EHD3: variants seen among roughly 807,000 people sequenced by gnomAD.
EHD3 encodes EH domain-containing protein 3.
Under a neutral mutation model 43.0 loss-of-function variants are expected in EHD3, and 17 were observed. The observed-to-expected ratio is 0.40, with a 90% CI of 0.27 to 0.59. The LOEUF is 0.59. Among genes scored for constraint, EHD3 ranks in the 20% least tolerant of loss-of-function variants. EHD3 has a pLI of 0.49. For missense variants in EHD3, 594 were observed against 705.6 expected, an observed-to-expected ratio of 0.84 and a Z score of 1.79; for synonymous variants, 313 against 289.5, an observed-to-expected ratio of 1.08 and a Z score of -0.82.
rs1455436556 is a variant in EHD3, at chr2:31,260,490, G to T, written c.503-20G>T. 1 of 1,577,386 alleles carries T rather than the reference G, an allele frequency of 6.3e-7. No homozygotes were observed. The highest frequency in any genetic ancestry group is 2.3e-5 in the East Asian group (1 of 44,414). ...CTATACCCCAAAGGCCCCAGCCCCT[G>T]ATTGTCCCTCTGCCGGCAGGGTATG... On this transcript the variant is annotated intron_variant, in intron 3 of 5. Coordinates refer to ENST00000322054, the MANE Select transcript of EHD3 (RefSeq NM_014600.3). The surrounding 1 kb of genome is among the most constrained non-coding windows in gnomAD (Gnocchi z 4.6).
chr2:31,255,093 T>C (rs1683724888), intron 3 of EHD3, among the ~76,000 whole-genome samples: 1 of 152,180 alleles, frequency 6.6e-6, no homozygotes, highest in South Asian at 2.1e-4. Flanking sequence ...GAGCCTCCGG[T>C]TGGAGGGGAC....
rs373883257 is a variant in EHD3 at position 31,266,367 on chromosome 2, A to C, written c.1271A>C (p.His424Pro). ...GGCACCCTGCACGGCCCCTTTGGGCATGGCTATGGGGAGGGGGCTGGAGAA... is the reference window on the plus strand; with the variant it reads ...GGCACCCTGCACGGCCCCTTTGGGCCTGGCTATGGGGAGGGGGCTGGAGAA... ...FEGTLHGPFG[H>P]GYGEGAGEGI... Residue 424 changes from histidine to proline, a missense_variant, in exon 6 of 6, where the codon CAT becomes CCT. His to Pro is a moderately conservative substitution (Grantham distance 77). This residue lies in a region of EHD3 where 322 missense variants were observed against 348.0 expected (regional missense o/e 0.93). Transcript: ENST00000322054. The surrounding 1 kb of genome is among the most constrained non-coding windows in gnomAD (Gnocchi z 5.1). The C allele has an allele frequency of 1.6e-5, 26 of 1,614,104 alleles. No homozygotes were observed. Among genetic ancestry groups the C allele is most frequent in the Non-Finnish European group, 1.9e-5 (23 of 1,179,976 alleles).
At chr2:31,250,800 T>G (rs879309950) in intron 3 of EHD3, among the ~76,000 whole-genome samples, 1 of 152,126 alleles carries the variant, frequency 6.6e-6, no homozygotes, top group Non-Finnish European at 1.5e-5. Flanking sequence ...CACTCAGAAG[T>G]CAGCCTATGG....
chr2:31,237,900 G>C (rs1683351413), intron 1 of EHD3, among the ~76,000 whole-genome samples: 2 of 151,848 alleles, frequency 1.3e-5, no homozygotes, highest in South Asian at 4.2e-4. Context: ...TACTTCTCTT[G>C]GATGTTTTAG....
Position 31,234,519 on chromosome 2 carries a change from C to T in EHD3, c.-103C>T. On this transcript the variant is annotated 5_prime_UTR_variant, in exon 1 of 6. Coordinates refer to ENST00000322054, the MANE Select transcript of EHD3 (RefSeq NM_014600.3). ...GGCTGAGCCCCGCGCTTGGGTGAGGCGGCGGCGCGGCTCGGAGCCCGGCGG... is the reference window on the plus strand; with the variant it reads ...GGCTGAGCCCCGCGCTTGGGTGAGGTGGCGGCGCGGCTCGGAGCCCGGCGG... 5 of 1,347,702 alleles carry T rather than the reference C, an allele frequency of 3.7e-6. 1 individual carries two copies. The highest frequency in any genetic ancestry group is 2.7e-5 in the South Asian group (2 of 75,284). 83.5% of individuals were successfully genotyped at this position (1,347,702 alleles called of 1,614,324 possible).
chr2:31,238,496 G>A (rs939660087), intron 1 of EHD3, among the ~76,000 whole-genome samples: 2 of 152,148 alleles, frequency 1.3e-5, no homozygotes, highest in African/African-American at 4.8e-5. Context: ...TAACTTCCCC[G>A]GCCTAAGGCC....
chr2:31,243,931 G>C (rs1303812904), intron 1 of EHD3, among the ~76,000 whole-genome samples: 1 of 152,158 alleles, frequency 6.6e-6, no homozygotes, highest in Non-Finnish European at 1.5e-5. Flanking sequence ...GTTACCTTCA[G>C]TTATGGAGTC....
At chr2:31,250,110 G>T (rs1376166308) in intron 3 of EHD3, among the ~76,000 whole-genome samples, 5 of 150,112 alleles carry the variant, frequency 3.3e-5, no homozygotes, top group Non-Finnish European at 7.4e-5. Context: ...GTGTGGGGCG[G>T]TGGGGGCGGG....
At chr2:31,258,869 T>C (rs1320736007) in intron 3 of EHD3, among the ~76,000 whole-genome samples, 1 of 151,814 alleles carries the variant, frequency 6.6e-6, no homozygotes, top group East Asian at 1.9e-4. Flanking sequence ...TCAGAAACTT[T>C]GGGGATAGAG....
chr2:31,234,926 C>G, intron 1 of EHD3, 78 bp downstream of exon 1: 1 of 1,383,350 alleles, frequency 7.2e-7, no homozygotes, highest in South Asian at 1.2e-5. Context: ...GTGCTCCATC[C>G]CAGACAGGGG....
Position 31,252,053 on chromosome 2 carries a change from G to C in EHD3, c.502+2585G>C, listed in dbSNP as rs562296824. Reference sequence around the variant, plus strand: ...GCAAGGCCAGTGTAGCCTGACCAGCGGGTCCAGAGAGGACTCCAGCCTCTG... The same window carrying C: ...GCAAGGCCAGTGTAGCCTGACCAGCCGGTCCAGAGAGGACTCCAGCCTCTG... On this transcript the variant is annotated intron_variant, in intron 3 of 5. Coordinates refer to ENST00000322054, the MANE Select transcript of EHD3 (RefSeq NM_014600.3). Among the ~76,000 whole-genome samples the C allele has an allele frequency of 1.4e-4, 22 of 152,270 alleles. No individual in the cohort carries two copies. In the South Asian group the frequency reaches 4.6e-3, roughly 32 times the overall value.
At chr2:31,257,104 A>G (rs2148721828) in intron 3 of EHD3, among the ~76,000 whole-genome samples, 1 of 152,288 alleles carries the variant, frequency 6.6e-6, no homozygotes, top group Non-Finnish European at 1.5e-5. Flanking sequence ...ATTGGGGAAT[A>G]AGGAGCAGCA....
chr2:31,247,983 C>T (rs186513286), intron 2 of EHD3, among the ~76,000 whole-genome samples: 4 of 152,306 alleles, frequency 2.6e-5, no homozygotes, highest in East Asian at 1.9e-4. Flanking sequence ...AGCACGCAGC[C>T]GCTGAAGTAG....
chr2:31,241,554 G>T (rs1453739443), intron 1 of EHD3, among the ~76,000 whole-genome samples: 5 of 152,232 alleles, frequency 3.3e-5, no homozygotes, highest in Non-Finnish European at 7.3e-5. Flanking sequence ...AGGTCCATTT[G>T]ATGAGGAAGA....
intron 4 of EHD3, 102 bp downstream of exon 4, chr2:31,261,024 T>A: frequency 7.5e-7 from 1 of 1,341,304 alleles, no homozygotes; most frequent in Non-Finnish European, 1.0e-6. Flanking sequence ...CAGTGCATCA[T>A]GTGTGTGACA....
At chr2:31,245,446 G>A (rs1251346197) in intron 2 of EHD3, among the ~76,000 whole-genome samples, 1 of 150,766 alleles carries the variant, frequency 6.6e-6, no homozygotes, top group African/African-American at 2.4e-5. Flanking sequence ...TTTAGTGAAT[G>A]GAATAGGCAT....
intron 3 of EHD3, among the ~76,000 whole-genome samples, chr2:31,254,213 G>T (rs780797562): frequency 6.6e-6 from 1 of 152,182 alleles, no homozygotes; most frequent in East Asian, 1.9e-4. Context: ...CCCCGGAAGA[G>T]CACAGGGGGT....
At chr2:31,262,809 G>C (rs963378632) in intron 5 of EHD3, among the ~76,000 whole-genome samples, 2 of 152,218 alleles carry the variant, frequency 1.3e-5, no homozygotes, top group Non-Finnish European at 2.9e-5. Flanking sequence ...CAGCTACTCG[G>C]GAGGCTGAGG....
At chr2:31,237,785 A>G (rs1256450961) in intron 1 of EHD3, among the ~76,000 whole-genome samples, 4 of 152,184 alleles carry the variant, frequency 2.6e-5, no homozygotes, top group Non-Finnish European at 5.9e-5. Flanking sequence ...ACTGCATACT[A>G]TTTCACTATT....
Sources: gnomAD v4.1 joint callset for allele counts (sites outside exome capture counted in the v4.1 genomes callset) on GRCh38, gnomAD v4.1.1 for gene constraint, gnomAD v4.1.1 regional missense constraint, Gnocchi (gnomAD v3.1) non-coding constraint, MANE v1.5 for transcripts, NCBI Gene and HGNC (gene_info 2026-07-23, HGNC 2026-07-21) for gene names.